PARVB: variants seen among roughly 807,000 people sequenced by gnomAD.
PARVB encodes the protein beta-parvin.
PARVB carries 46 observed loss-of-function variants against 47.0 expected under a neutral mutation model. That is an observed-to-expected ratio of 0.98 (90% confidence interval 0.77 to 1.25). The LOEUF (loss-of-function observed/expected upper bound fraction) is 1.25. Ranked by LOEUF, PARVB falls within the 50% of genes most tolerant of loss-of-function variation. The probability of loss-of-function intolerance (pLI) is 0.00; values close to 1 mark genes in which losing one functional copy is unlikely to be tolerated. For missense variants in PARVB, 473 were observed against 471.6 expected, an observed-to-expected ratio of 1.00 and a Z score of -0.03; for synonymous variants, 196 against 196.3, an observed-to-expected ratio of 1.00 and a Z score of 0.01.
At chr22:44,076,361 G>A (rs922420222) in intron 1 of PARVB, among the ~76,000 whole-genome samples, 2 of 152,158 alleles carry the variant, frequency 1.3e-5, no homozygotes, top group South Asian at 2.1e-4. Context: ...TTGTAAGCCC[G>A]GTCCCCACAG....
intron 7 of PARVB, among the ~76,000 whole-genome samples, chr22:44,138,123 A>G (rs1031709987): frequency 5.3e-5 from 8 of 152,348 alleles, no homozygotes; most frequent in African/African-American, 1.7e-4. Context: ...GACCTGCTGC[A>G]TGCCAGCCTC....
chr22:44,010,658 C>T (rs2050512707), intron 2 of PARVB: 1 of 152,160 alleles, frequency 6.6e-6, no homozygotes, highest in Non-Finnish European at 1.5e-5. Context: ...AGCATCACCA[C>T]TATTAGGACT....
At chr22:44,009,384 T>C (rs1376920513) in intron 2 of PARVB, 2 of 152,218 alleles carry the variant, frequency 1.3e-5, no homozygotes, top group Non-Finnish European at 2.9e-5. Context: ...ATTTTCTCAA[T>C]CAAAATGTAT....
intron 10 of PARVB, among the ~76,000 whole-genome samples, chr22:44,154,869 G>A (rs1035034421): frequency 1.5e-4 from 22 of 148,052 alleles, no homozygotes; most frequent in African/African-American, 5.2e-4. Flanking sequence ...TGGTGGGGGT[G>A]TGTGTGTGTG....
chr22:44,136,323 TG>T, intron 6 of PARVB, 136 bp from the exon 7 acceptor site: 1 of 775,420 alleles, frequency 1.3e-6, no homozygotes, highest in Non-Finnish European at 2.2e-6. Context: ...CTGGCATGCG[TG>T]TTCAACACCA....
intron 4 of PARVB, among the ~76,000 whole-genome samples, chr22:44,126,089 T>C (rs1457271727): frequency 6.6e-6 from 1 of 152,142 alleles, no homozygotes; most frequent in Non-Finnish European, 1.5e-5. Flanking sequence ...TTGGAGGTGA[T>C]GCTGAGCAGG....
At chr22:44,140,063 G>A in intron 7 of PARVB, 61 bp from the exon 8 acceptor site, 1 of 1,604,412 alleles carries the variant, frequency 6.2e-7, no homozygotes, top group Admixed American at 1.7e-5. Context: ...CCATTGTGCT[G>A]CTTGTGAAAC....
At chr22:44,167,721 G>A (rs1225799140) in intron 12 of PARVB, among the ~76,000 whole-genome samples, 4 of 60,208 alleles carry the variant, frequency 6.6e-5, no homozygotes, top group South Asian at 7.5e-4. Flanking sequence ...CCGCCGAGCC[G>A]AGTTCCCCGA....
chr22:43,999,791 A>G, intron 2 of PARVB: 2 of 494,246 alleles, frequency 4.0e-6, no homozygotes, highest in South Asian at 3.6e-5. Context: ...GAGCCCAGGA[A>G]TTTGAGACTA....
At chr22:44,003,696 C>T (rs1301816983) in intron 2 of PARVB, among the ~76,000 whole-genome samples, 3 of 152,152 alleles carry the variant, frequency 2.0e-5, no homozygotes, top group Admixed American at 1.3e-4. Context: ...TGGAAAGAGC[C>T]TGTGTTTAGG....
rs2051043231 is a variant in PARVB at position 44,042,826 on chromosome 22, T to C, written c.112+18375T>C. 2.0e-5 allele frequency among the ~76,000 whole-genome samples: 3 copies of C among 152,218 alleles called. No individual in the cohort carries two copies. The South Asian group carries it at 6.2e-4, about 31-fold the overall frequency. On this transcript the variant is annotated intron_variant, in intron 1 of 12. Coordinates refer to ENST00000338758, the MANE Select transcript of PARVB (RefSeq NM_013327.5). Reference sequence around the variant, plus strand: ...TTTTCTTTCCTAGAGCCCTGCTTTGTTACAGCTCTTAATTTTCTTGTGTAG... The same window carrying C: ...TTTTCTTTCCTAGAGCCCTGCTTTGCTACAGCTCTTAATTTTCTTGTGTAG...
chr22:44,086,694 A>C, intron 1 of PARVB: 7 of 941,722 alleles, frequency 7.4e-6, no homozygotes, highest in Non-Finnish European at 7.6e-6. Flanking sequence ...CTGAGCTGCA[A>C]GATCTTCACT....
In PARVB at chr22:44,030,075, G is replaced by A. The variant is rs541157315; in HGVS notation, c.112+5624G>A. Among the ~76,000 whole-genome samples the A allele has an allele frequency of 2.7e-4, 41 of 152,352 alleles. No individual in the cohort carries two copies. In the South Asian group the frequency reaches 8.3e-3, roughly 31 times the overall value. On this transcript the variant is annotated intron_variant, in intron 1 of 12. Coordinates refer to ENST00000338758, the MANE Select transcript of PARVB (RefSeq NM_013327.5). ...CCTTCAGGGCATCCATCTTTTACAC[G>A]GAGCCATCAGTTGTGTAGATGATGG...
chr22:44,007,632 C>T (rs2050479634), intron 2 of PARVB, among the ~76,000 whole-genome samples: 1 of 152,118 alleles, frequency 6.6e-6, no homozygotes, highest in Non-Finnish European at 1.5e-5. Flanking sequence ...AGTTTTAGGC[C>T]CTGATTTATG....
At chr22:44,008,639 C>T (rs747920187) in intron 2 of PARVB, among the ~76,000 whole-genome samples, 13 of 152,080 alleles carry the variant, frequency 8.5e-5, no homozygotes, top group Non-Finnish European at 1.0e-4. Context: ...TCTGAGGACA[C>T]GGATCCAAGA....
At chr22:44,017,904 C>G (rs188585525) in intron 2 of PARVB, among the ~76,000 whole-genome samples, 81 of 152,204 alleles carry the variant, frequency 5.3e-4, no homozygotes, top group African/African-American at 1.7e-3. Flanking sequence ...CCAAAGCAGG[C>G]TATTGTTTGA....
chr22:44,069,310 T>C (rs575409178), intron 1 of PARVB: 3 of 740,828 alleles, frequency 4.0e-6, no homozygotes, highest in East Asian at 5.2e-5. Context: ...GATGGGGACG[T>C]TGGTGTTAGG....
At chr22:44,011,273 C>T (rs2050520404) in intron 2 of PARVB, among the ~76,000 whole-genome samples, 1 of 152,108 alleles carries the variant, frequency 6.6e-6, no homozygotes, top group East Asian at 1.9e-4. Context: ...CGCACCTGGC[C>T]TGCTTACACA....
intron 3 of PARVB, among the ~76,000 whole-genome samples, chr22:44,100,948 G>A (rs1434461947): frequency 6.6e-6 from 1 of 152,166 alleles, no homozygotes; most frequent in Non-Finnish European, 1.5e-5. Flanking sequence ...TGAAAATGCC[G>A]ATGGTGACAG....
Sources: allele counts gnomAD v4.1 joint callset (sites outside exome capture counted in the v4.1 genomes callset), GRCh38; gene constraint gnomAD v4.1.1; transcripts MANE v1.5; gene names NCBI Gene and HGNC (gene_info 2026-07-23, HGNC 2026-07-21).